Variants in UGP2 observed in about 807,000 individuals in gnomAD.
The protein encoded by UGP2 is UDP-glucose pyrophosphorylase 2.
In UGP2, 40 loss-of-function variants were observed where a neutral mutation model predicts 49.0. That is an observed-to-expected ratio of 0.82 (90% CI 0.63 to 1.06). The LOEUF (loss-of-function observed/expected upper bound fraction) is 1.06. Ranked by LOEUF, UGP2 falls within the 50% of genes least tolerant of loss-of-function variation. The pLI, the probability that UGP2 is intolerant of heterozygous loss-of-function variation, is 0.00. For synonymous variants in UGP2, 225 were observed against 213.0 expected, an observed-to-expected ratio of 1.06 and a Z score of -0.49; for missense variants, 460 against 603.5, an observed-to-expected ratio of 0.76 and a Z score of 2.49.
intron 3 of UGP2, chr2:63,862,983 T>C (rs1161850888): frequency 2.5e-6 from 1 of 397,080 alleles, no homozygotes; most frequent in East Asian, 7.3e-5. Flanking sequence ...CCCTGAGTCA[T>C]CTACCTTTGT....
At chr2:63,882,759 G>T in intron 4 of UGP2, 108 bp downstream of exon 4, 2 of 1,199,558 alleles carry the variant, frequency 1.7e-6, no homozygotes. Flanking sequence ...TAACCAAAGA[G>T]CCTGCTATCT....
At chr2:63,862,855 A>AGGG (rs1174884674) in intron 3 of UGP2, 3 of 456,318 alleles carry the variant, frequency 6.6e-6, no homozygotes, top group Non-Finnish European at 1.3e-5. Flanking sequence ...GCTAACAAGA[A>AGGG]GGGAGATACA....
intron 3 of UGP2, among the ~76,000 whole-genome samples, chr2:63,880,514 C>G (rs892347348): frequency 1.3e-5 from 2 of 152,126 alleles, no homozygotes; most frequent in Admixed American, 6.6e-5. Flanking sequence ...AGATTATAAG[C>G]TACCCTGTTA....
At position 63,887,653 on chromosome 2, in the gene UGP2, C is replaced by T; in HGVS notation, c.1314+9C>T. ...GCAGTTCTTTTACGAAGGTACGTAA[C>T]TATAAAGATATGTGAGTTCATATTT... On this transcript the variant is annotated intron_variant, in intron 8 of 9. Coordinates refer to ENST00000337130, the MANE Select transcript of UGP2 (RefSeq NM_006759.4). The T allele has an allele frequency of 3.1e-6, 5 of 1,613,222 alleles. No homozygotes were observed. Among genetic ancestry groups the T allele is most frequent in the Non-Finnish European group, 4.2e-6 (5 of 1,179,586 alleles).
chr2:63,856,207 CT>C, intron 1 of UGP2, 98 bp from the exon 2 acceptor site: 1 of 1,467,906 alleles, frequency 6.8e-7, no homozygotes. Flanking sequence ...GGATTGAGCC[CT>C]TTTCATTTGC....
At chr2:63,874,861 C>A (rs1558953081) in intron 3 of UGP2, among the ~76,000 whole-genome samples, 1 of 151,968 alleles carries the variant, frequency 6.6e-6, no homozygotes, top group Non-Finnish European at 1.5e-5. Flanking sequence ...CCTCTGCCTT[C>A]CACTATGAGT....
chr2:63,843,803 G>A (rs1558928810), intron 1 of UGP2, among the ~76,000 whole-genome samples: 1 of 152,158 alleles, frequency 6.6e-6, no homozygotes. Flanking sequence ...TTAACTAAAG[G>A]CTTTGTTCAG....
chr2:63,858,217 T>C (rs1427575133), intron 3 of UGP2, among the ~76,000 whole-genome samples: 1 of 152,212 alleles, frequency 6.6e-6, no homozygotes, highest in Non-Finnish European at 1.5e-5. Flanking sequence ...AAGCACTAAA[T>C]ATCCCATAAG....
At chr2:63,883,820 T>G in intron 4 of UGP2, 140 bp from the exon 5 acceptor site, 1 of 1,073,644 alleles carries the variant, frequency 9.3e-7, no homozygotes, top group Non-Finnish European at 1.3e-6. Context: ...TGCTGAGCAG[T>G]TTTTTGTCAA....
intron 3 of UGP2, among the ~76,000 whole-genome samples, chr2:63,863,374 A>C (rs969914557): frequency 3.9e-5 from 6 of 152,086 alleles, no homozygotes; most frequent in African/African-American, 1.4e-4. Flanking sequence ...TTTTCTGCCA[A>C]TTCTTTTATT....
At chr2:63,869,922 ATTT>A (rs71393337) in intron 3 of UGP2, among the ~76,000 whole-genome samples, 2 of 135,464 alleles carry the variant, frequency 1.5e-5, no homozygotes, top group Non-Finnish European at 1.6e-5. Flanking sequence ...ATTAAAATTA[ATTT>A]TTTTTTTTTT....
At chr2:63,845,519 T>TA (rs11392263) in intron 1 of UGP2, among the ~76,000 whole-genome samples, 39,242 of 139,342 alleles carry the variant, frequency 0.28, 5,569 homozygotes, top group Middle Eastern at 0.35. Flanking sequence ...GTTATTATGT[T>TA]AAAAAAAAAA....
intron 1 of UGP2, among the ~76,000 whole-genome samples, chr2:63,846,445 T>TA (rs71393333): frequency 0.83 from 125,618 of 151,814 alleles, 52,105 homozygotes; most frequent in East Asian, 0.91. Flanking sequence ...ATTGTTTTTT[T>TA]AAAAAAAATG....
chr2:63,881,314 C>CCTGT (rs1210437986), intron 3 of UGP2, among the ~76,000 whole-genome samples: 1 of 151,164 alleles, frequency 6.6e-6, no homozygotes, highest in Non-Finnish European at 1.5e-5. Flanking sequence ...GGAGTGTGAG[C>CCTGT]CTGTCAAGTT....
At chr2:63,856,111 G>A (rs1669399768) in intron 1 of UGP2, 195 bp from the exon 2 acceptor site, 3 of 556,300 alleles carry the variant, frequency 5.4e-6, no homozygotes, top group African/African-American at 3.9e-5. Flanking sequence ...AGGGGTTCTT[G>A]TTTAGTGGAG....
intron 7 of UGP2, among the ~76,000 whole-genome samples, chr2:63,886,924 T>G (rs1671716606): frequency 6.6e-6 from 1 of 152,182 alleles, no homozygotes; most frequent in Non-Finnish European, 1.5e-5. Flanking sequence ...GAAAAAAGAT[T>G]ACATGTTTAA....
chr2:63,890,084 C>G lies in UGP2; in HGVS notation c.1318C>G (p.Gln440Glu). 4 of 1,605,794 alleles carry G rather than the reference C, an allele frequency of 2.5e-6. No individual in the cohort carries two copies. The highest frequency in any genetic ancestry group is 3.4e-6 in the Non-Finnish European group (4 of 1,176,574). Residue 440 changes from glutamine to glutamate, a missense_variant, in exon 9 of 10, where the codon CAA (glutamine) becomes GAA (glutamate). Coordinates refer to ENST00000337130, the MANE Select transcript of UGP2 (RefSeq NM_006759.4). ...VKLGSSFTKVQDYLRRFESIP... is the reference protein window; with the variant it reads ...VKLGSSFTKVEDYLRRFESIP... ...TATGTTTCTCCTTTTCTGTAAGGTT[C>G]AAGATTATCTAAGAAGATTTGAAAG...
chr2:63,867,675 ATGTT>A (rs759392539), intron 3 of UGP2, among the ~76,000 whole-genome samples: 7 of 152,246 alleles, frequency 4.6e-5, no homozygotes, highest in African/African-American at 1.2e-4. Flanking sequence ...ATATTTTTAT[ATGTT>A]TGTTATCAGT....
At chr2:63,890,976 ATTTG>A (rs933859884) in intron 9 of UGP2, 140 bp from the exon 10 acceptor site, 6 of 553,006 alleles carry the variant, frequency 1.1e-5, no homozygotes, top group African/African-American at 3.9e-5. Context: ...CTTAACTGTT[ATTTG>A]TTTTTCATGT....
Sources: allele counts gnomAD v4.1 joint callset (sites outside exome capture counted in the v4.1 genomes callset), GRCh38; gene constraint gnomAD v4.1.1; transcripts MANE v1.5; gene names NCBI Gene and HGNC (gene_info 2026-07-23, HGNC 2026-07-21).